KDM4C: variants seen among roughly 807,000 people sequenced by gnomAD.
KDM4C encodes the protein lysine-specific demethylase 4C.
In KDM4C, 81 loss-of-function variants were observed where a neutral mutation model predicts 129.3. The observed-to-expected ratio is 0.63, with a 90% CI of 0.52 to 0.75. The LOEUF (loss-of-function observed/expected upper bound fraction) is 0.75. Ranked by LOEUF, KDM4C falls within the 30% of genes least tolerant of loss-of-function variation. The pLI is 0.00. For missense variants in KDM4C, 1,457 were observed against 1,304.0 expected (o/e 1.12, Z -1.81); for synonymous variants, 573 against 456.1 (o/e 1.26, Z -3.26).
chr9:7,103,377 TG>T (rs1398176353), intron 17 of KDM4C, among the ~76,000 whole-genome samples: 12 of 152,308 alleles, frequency 7.9e-5, no homozygotes, highest in African/African-American at 2.9e-4. Context: ...GGAGCACCTC[TG>T]GGGTCTTTTC....
intron 17 of KDM4C, among the ~76,000 whole-genome samples, chr9:7,086,817 A>G (rs934011489): frequency 2.0e-5 from 3 of 152,122 alleles, no homozygotes; most frequent in African/African-American, 7.2e-5. Flanking sequence ...CCAACTCTCA[A>G]ACATACTTTT....
chr9:6,935,037 C>T (rs1055903128), intron 8 of KDM4C, among the ~76,000 whole-genome samples: 2 of 151,924 alleles, frequency 1.3e-5, no homozygotes, highest in Admixed American at 6.6e-5. Context: ...AACGGCTAAA[C>T]TGGTTTTGGG....
chr9:6,801,400 A>C (rs1054654689), intron 2 of KDM4C, among the ~76,000 whole-genome samples: 1 of 151,004 alleles, frequency 6.6e-6, no homozygotes, highest in Non-Finnish European at 1.5e-5. Context: ...TGCCCGGCTA[A>C]TTTTCTGTAT....
chr9:7,058,034 G>A (rs72703363), intron 17 of KDM4C, among the ~76,000 whole-genome samples: 4,021 of 152,268 alleles, frequency 0.026, 85 homozygotes, highest in Non-Finnish European at 0.044. Flanking sequence ...CATGAGTACT[G>A]TTATTTACCA....
chr9:6,834,027 T>C (rs1341800873), intron 4 of KDM4C, among the ~76,000 whole-genome samples: 3 of 144,168 alleles, frequency 2.1e-5, no homozygotes, highest in Non-Finnish European at 4.5e-5. Context: ...TCATGGGATA[T>C]GACTCAAGAG....
intron 5 of KDM4C, among the ~76,000 whole-genome samples, chr9:6,858,577 C>T (rs978393390): frequency 1.3e-5 from 2 of 152,070 alleles, no homozygotes; most frequent in African/African-American, 4.8e-5. Flanking sequence ...AGTTCAAGAC[C>T]ATCTTGGCCA....
intron 15 of KDM4C, among the ~76,000 whole-genome samples, chr9:7,020,652 T>C (rs2132249918): frequency 6.6e-6 from 1 of 152,282 alleles, no homozygotes; most frequent in Admixed American, 6.5e-5. Flanking sequence ...ATCTCACTAC[T>C]TTTTAAAAAA....
At chr9:6,892,993 A>G (rs1846319622) in intron 7 of KDM4C, 102 bp from the exon 8 acceptor site, 1 of 924,024 alleles carries the variant, frequency 1.1e-6, no homozygotes, top group Admixed American at 3.3e-5. Context: ...TCTGATATCA[A>G]GACTTTTTTT....
rs140408154 is a variant in KDM4C, at chr9:7,025,611, A to C, written c.2259+9682A>C. Among the ~76,000 whole-genome samples the C allele has an allele frequency of 6.4e-4, 97 of 151,540 alleles. 3 individuals are homozygous for C. The East Asian group carries it at 0.016, about 26-fold the overall frequency. Reference sequence around the variant, plus strand: ...AGCTGACAACCACTTAACATTGCATAGGCAAAAACACACAGAGGCAAAAAG... The same window carrying C: ...AGCTGACAACCACTTAACATTGCATCGGCAAAAACACACAGAGGCAAAAAG... On this transcript the variant is annotated intron_variant, in intron 15 of 21. Transcript: ENST00000381309.
intron 1 of KDM4C, among the ~76,000 whole-genome samples, chr9:6,767,912 T>A (rs1820958956): frequency 6.6e-6 from 1 of 152,180 alleles, no homozygotes; most frequent in South Asian, 2.1e-4. Flanking sequence ...TTTTTTTTGA[T>A]AATTTTATTT....
intron 3 of KDM4C, among the ~76,000 whole-genome samples, chr9:6,806,436 G>C (rs1465321085): frequency 6.6e-6 from 1 of 152,032 alleles, no homozygotes; most frequent in East Asian, 1.9e-4. Flanking sequence ...AGAGGTTGCA[G>C]TGAGCCGAGA....
intron 1 of KDM4C, among the ~76,000 whole-genome samples, chr9:6,744,254 A>G (rs1817803147): frequency 6.6e-6 from 1 of 152,176 alleles, no homozygotes; most frequent in African/African-American, 2.4e-5. Flanking sequence ...TGCCGGGCAC[A>G]GTGGCTCATG....
chr9:6,900,586 G>A (rs1316851774), intron 8 of KDM4C, among the ~76,000 whole-genome samples: 3 of 152,188 alleles, frequency 2.0e-5, no homozygotes, highest in Admixed American at 2.0e-4. Context: ...AGTGAGCCGT[G>A]ATCACACCAC....
intron 4 of KDM4C, among the ~76,000 whole-genome samples, chr9:6,844,704 T>C (rs1837548136): frequency 6.6e-6 from 1 of 152,200 alleles, no homozygotes; most frequent in Non-Finnish European, 1.5e-5. Flanking sequence ...TTCTTTTTTT[T>C]TGAGATGGAG....
intron 19 of KDM4C, among the ~76,000 whole-genome samples, chr9:7,155,156 A>G (rs892999025): frequency 6.6e-6 from 1 of 152,102 alleles, no homozygotes; most frequent in Non-Finnish European, 1.5e-5. Flanking sequence ...CTCATTTTTA[A>G]TGTGTGCCCC....
intron 2 of KDM4C, among the ~76,000 whole-genome samples, chr9:6,799,734 G>C (rs1043995772): frequency 6.7e-6 from 1 of 149,902 alleles, no homozygotes; most frequent in African/African-American, 2.5e-5. Context: ...CTAATGAAGA[G>C]CCTGAATAAA....
At chr9:7,145,564 TGAG>T (rs1450671716) in intron 19 of KDM4C, among the ~76,000 whole-genome samples, 1 of 152,186 alleles carries the variant, frequency 6.6e-6, no homozygotes, top group Non-Finnish European at 1.5e-5. Context: ...ATACCTCTGG[TGAG>T]GAGTTTTCAG....
At chr9:6,752,153 GA>G (rs1448043269) in intron 1 of KDM4C, among the ~76,000 whole-genome samples, 1 of 150,216 alleles carries the variant, frequency 6.7e-6, no homozygotes, top group African/African-American at 2.5e-5. Context: ...CTAACACGGT[GA>G]AACCCCGTCT....
At chr9:6,845,995 A>G (rs1439608351) in intron 4 of KDM4C, among the ~76,000 whole-genome samples, 1 of 152,216 alleles carries the variant, frequency 6.6e-6, no homozygotes, top group East Asian at 1.9e-4. Flanking sequence ...GACTGCTTTT[A>G]CACTAAATCA....
Sources: gnomAD v4.1 joint callset for allele counts (sites outside exome capture counted in the v4.1 genomes callset) on GRCh38, gnomAD v4.1.1 for gene constraint, MANE v1.5 for transcripts, NCBI Gene and HGNC (gene_info 2026-07-23, HGNC 2026-07-21) for gene names.